FGF14: variants seen among roughly 807,000 people sequenced by gnomAD.
FGF14 encodes fibroblast growth factor homologous factor 4.
FGF14 carries 5 observed loss-of-function variants against 25.5 expected under a neutral mutation model. That is an observed-to-expected ratio of 0.20 (90% CI 0.10 to 0.41). The LOEUF (loss-of-function observed/expected upper bound fraction) is 0.41, where lower values mean the gene tolerates loss of function less well. FGF14 is among the 10% of genes least tolerant of loss of function. The pLI, the probability that FGF14 is intolerant of heterozygous loss-of-function variation, is 1.00. For missense variants in FGF14, 222 were observed against 320.1 expected, an observed-to-expected ratio of 0.69 and a Z score of 2.34; for synonymous variants, 138 against 118.3, an observed-to-expected ratio of 1.17 and a Z score of -1.08.
chr13:102,167,779 AC>A (rs1323316488), intron 1 of FGF14, among the ~76,000 whole-genome samples: 2 of 148,066 alleles, frequency 1.4e-5, no homozygotes, highest in African/African-American at 5.0e-5. Context: ...GATATTAGAA[AC>A]TGGCATGCTA....
chr13:101,781,192 T>A (rs1459246136), intron 3 of FGF14, among the ~76,000 whole-genome samples: 1 of 152,192 alleles, frequency 6.6e-6, no homozygotes, highest in Non-Finnish European at 1.5e-5. Context: ...CCTTGAGTGC[T>A]ACATCTGAAA....
intron 1 of FGF14, among the ~76,000 whole-genome samples, chr13:102,193,900 A>AT (rs36075663): frequency 0.83 from 126,532 of 152,002 alleles, 53,183 homozygotes; most frequent in African/African-American, 0.94. Flanking sequence ...TCAGTCATGA[A>AT]TTTTTTTATT....
intron 1 of FGF14, among the ~76,000 whole-genome samples, chr13:102,359,730 G>T (rs1278672162): frequency 6.6e-6 from 1 of 151,930 alleles, no homozygotes; most frequent in African/African-American, 2.4e-5. Context: ...TTTGCATTAA[G>T]TAGAGTAGGA....
chr13:102,147,884 T>C (rs17632458), intron 1 of FGF14, among the ~76,000 whole-genome samples: 20,301 of 152,248 alleles, frequency 0.13, 1,359 homozygotes, highest in East Asian at 0.15. Context: ...GTGCAGGTTT[T>C]AGTTTATTCT....
chr13:101,956,666 A>G (rs1207259034), intron 1 of FGF14, among the ~76,000 whole-genome samples: 1 of 152,012 alleles, frequency 6.6e-6, no homozygotes, highest in Non-Finnish European at 1.5e-5. Flanking sequence ...GTAACATATC[A>G]TATAGAATAA....
intron 1 of FGF14, among the ~76,000 whole-genome samples, chr13:102,326,706 GGAAGGAAGGAA>G (rs2056451706): frequency 1.5e-5 from 1 of 64,978 alleles, no homozygotes; most frequent in African/African-American, 7.8e-5. Context: ...AAGGAAGGAA[GGAAGGAAGGAA>G]GGAAGGAAGG....
At chr13:102,115,122 C>T (rs979099695) in intron 1 of FGF14, among the ~76,000 whole-genome samples, 1 of 152,102 alleles carries the variant, frequency 6.6e-6, no homozygotes, top group Non-Finnish European at 1.5e-5. Flanking sequence ...GCTGCTTCTT[C>T]CTTGATTCTC....
At chr13:101,818,577 G>A (rs1035506264) in intron 3 of FGF14, among the ~76,000 whole-genome samples, 1 of 152,132 alleles carries the variant, frequency 6.6e-6, no homozygotes, top group East Asian at 1.9e-4. Flanking sequence ...TGGTTTTGGG[G>A]GGTAATACAA....
At chr13:102,379,323 G>A (rs1311270719) in intron 1 of FGF14, among the ~76,000 whole-genome samples, 1 of 151,770 alleles carries the variant, frequency 6.6e-6, no homozygotes, top group African/African-American at 2.4e-5. Flanking sequence ...AGTATGTCTT[G>A]ACACTAAAAG....
intron 1 of FGF14, among the ~76,000 whole-genome samples, chr13:102,055,988 C>T (rs2042412748): frequency 6.6e-6 from 1 of 152,308 alleles, no homozygotes; most frequent in South Asian, 2.1e-4. Context: ...GACTTATTCA[C>T]TACCACGAGA....
At chr13:101,876,796 G>A (rs2045420070) in intron 1 of FGF14, among the ~76,000 whole-genome samples, 1 of 152,064 alleles carries the variant, frequency 6.6e-6, no homozygotes. Flanking sequence ...ATATGCACTA[G>A]TGGAAAAAAA....
intron 1 of FGF14, among the ~76,000 whole-genome samples, chr13:101,977,374 T>TC (rs2037992707): frequency 1.3e-5 from 2 of 152,164 alleles, no homozygotes; most frequent in South Asian, 4.1e-4. Context: ...TTTCTACTTC[T>TC]CCCCCATTGT....
intron 1 of FGF14, among the ~76,000 whole-genome samples, chr13:101,976,715 G>A (rs753075761): frequency 1.3e-5 from 2 of 152,092 alleles, no homozygotes; most frequent in Non-Finnish European, 2.9e-5. Flanking sequence ...TTCAGTACTT[G>A]GTTAAATCAT....
intron 1 of FGF14, among the ~76,000 whole-genome samples, chr13:102,387,059 G>A (rs192032833): frequency 2.3e-4 from 35 of 152,226 alleles, no homozygotes; most frequent in African/African-American, 7.9e-4. Context: ...ATAAATACCA[G>A]TCTTATAAAC....
chr13:101,820,487 C>T (rs547230620), intron 3 of FGF14, among the ~76,000 whole-genome samples: 38 of 152,146 alleles, frequency 2.5e-4, no homozygotes, highest in African/African-American at 8.0e-4. Flanking sequence ...CTGGGTTGAA[C>T]GTGTGCAGCA....
intron 1 of FGF14, among the ~76,000 whole-genome samples, chr13:102,085,306 G>A (rs891636000): frequency 1.3e-5 from 2 of 152,144 alleles, no homozygotes; most frequent in African/African-American, 4.8e-5. Context: ...GTATGTGCCA[G>A]GCATTGTACT....
intron 1 of FGF14, among the ~76,000 whole-genome samples, chr13:102,374,673 TA>T (rs2057991939): frequency 4.0e-5 from 4 of 99,072 alleles, no homozygotes; most frequent in Non-Finnish European, 9.1e-5. Context: ...TATATATATA[TA>T]TATATATATA....
At chr13:101,896,276 T>C (rs770093665) in intron 1 of FGF14, among the ~76,000 whole-genome samples, 7 of 152,252 alleles carry the variant, frequency 4.6e-5, no homozygotes, top group Admixed American at 2.6e-4. Flanking sequence ...ACGCTTCCCA[T>C]ACCACCAAGG....
At chr13:102,151,433 C>T (rs76799331) in intron 1 of FGF14, among the ~76,000 whole-genome samples, 8,503 of 152,202 alleles carry the variant, frequency 0.056, 279 homozygotes, top group Middle Eastern at 0.17. Context: ...ACTCCCAAAA[C>T]GAGAGTACTT....
Sources: gnomAD v4.1 joint callset for allele counts (sites outside exome capture counted in the v4.1 genomes callset) on GRCh38, gnomAD v4.1.1 for gene constraint, MANE v1.5 for transcripts, NCBI Gene and HGNC (gene_info 2026-07-23, HGNC 2026-07-21) for gene names.